DPYD: variants seen among roughly 807,000 people sequenced by gnomAD.
DPYD encodes dihydropyrimidine dehydrogenase [NADP(+)].
A neutral mutation model predicts 116.2 loss-of-function variants in DPYD; 109 were observed. The ratio of observed to expected loss-of-function variants is 0.94; its 90% CI spans 0.80 to 1.10. The LOEUF (loss-of-function observed/expected upper bound fraction) is 1.10. Ranked by LOEUF, DPYD falls within the 50% of genes least tolerant of loss-of-function variation. The pLI, the probability that DPYD is intolerant of heterozygous loss-of-function variation, is 0.00. For missense variants in DPYD, 1,302 were observed against 1,254.5 expected, an observed-to-expected ratio of 1.04 and a Z score of -0.57; for synonymous variants, 440 against 432.0, an observed-to-expected ratio of 1.02 and a Z score of -0.23.
At chr1:97,103,461 G>A (rs948942660) in intron 20 of DPYD, among the ~76,000 whole-genome samples, 4 of 152,042 alleles carry the variant, frequency 2.6e-5, no homozygotes, top group Admixed American at 1.3e-4. Context: ...CATATTACAC[G>A]TTACCATAGT....
Position 97,877,214 on chromosome 1 carries a change from T to G in DPYD, c.150+6050A>C, listed in dbSNP as rs565492906. ...GTAGAGAAGTGAGGGATAGAAAGGGTTCTAATGAATGAAAATGAAAGATGA... is the reference window on the plus strand; with the variant it reads ...GTAGAGAAGTGAGGGATAGAAAGGGGTCTAATGAATGAAAATGAAAGATGA... On this transcript the variant is annotated intron_variant, in intron 2 of 22. Transcript: ENST00000370192. 2.0e-5 allele frequency among the ~76,000 whole-genome samples: 3 copies of G among 151,764 alleles called. No individual in the cohort carries two copies. The East Asian group carries it at 5.9e-4, about 30-fold the overall frequency.
intron 1 of DPYD, among the ~76,000 whole-genome samples, chr1:97,891,576 C>T (rs781564592): frequency 2.6e-5 from 4 of 151,838 alleles, no homozygotes; most frequent in Non-Finnish European, 4.4e-5. Flanking sequence ...CAGTGGAATG[C>T]GGAAACATAC....
At chr1:97,111,697 G>T (rs1248550722) in intron 20 of DPYD, among the ~76,000 whole-genome samples, 8 of 151,848 alleles carry the variant, frequency 5.3e-5, no homozygotes, top group Non-Finnish European at 1.0e-4. Context: ...CCCTCTAAAA[G>T]GTACTAGATT....
At chr1:97,916,557 G>A (rs6689552) in intron 1 of DPYD, among the ~76,000 whole-genome samples, 108,579 of 151,430 alleles carry the variant, frequency 0.72, 39,485 homozygotes, top group East Asian at 0.93. Flanking sequence ...TAACAAAGGA[G>A]GCTACCAAAT....
At chr1:97,702,933 T>C (rs940486807) in intron 5 of DPYD, among the ~76,000 whole-genome samples, 1 of 151,970 alleles carries the variant, frequency 6.6e-6, no homozygotes. Flanking sequence ...TAAAGACTCT[T>C]AAAAAGTGTT....
intron 19 of DPYD, among the ~76,000 whole-genome samples, chr1:97,217,470 T>C (rs1013646405): frequency 6.6e-6 from 1 of 152,156 alleles, no homozygotes; most frequent in African/African-American, 2.4e-5. Flanking sequence ...ATAAGAGACA[T>C]AGTTGTGATT....
In DPYD at chr1:97,699,335, T is replaced by C; in HGVS notation, c.680+16A>G. 1 of 1,609,152 alleles carries C rather than the reference T, an allele frequency of 6.2e-7. No individual in the cohort carries two copies. The highest frequency in any genetic ancestry group is 8.5e-7 in the Non-Finnish European group (1 of 1,175,660). Reference sequence around the variant, plus strand: ...CATTTCTGACACTATAAACATGAAATAAATGTAGGCATTACCTTAAACCAC... The same window carrying C: ...CATTTCTGACACTATAAACATGAAACAAATGTAGGCATTACCTTAAACCAC... On this transcript the variant is annotated intron_variant, in intron 6 of 22. Coordinates refer to ENST00000370192, the MANE Select transcript of DPYD (RefSeq NM_000110.4).
At chr1:97,635,070 T>C (rs190965975) in intron 8 of DPYD, among the ~76,000 whole-genome samples, 4 of 152,082 alleles carry the variant, frequency 2.6e-5, no homozygotes, top group Admixed American at 6.6e-5. Context: ...AGAGGTGCCA[T>C]TGAGAGTGAT....
At chr1:97,086,352 G>GT (rs35514561) in intron 21 of DPYD, among the ~76,000 whole-genome samples, 20,589 of 143,770 alleles carry the variant, frequency 0.14, 1,563 homozygotes, top group Non-Finnish European at 0.17. Flanking sequence ...GCCTGGCCAA[G>GT]TTTTTTTTTT....
intron 15 of DPYD, among the ~76,000 whole-genome samples, chr1:97,378,705 C>T (rs1161466229): frequency 6.6e-6 from 1 of 152,164 alleles, no homozygotes; most frequent in Non-Finnish European, 1.5e-5. Flanking sequence ...TTTTTTACTT[C>T]ATTCAACAAA....
At chr1:97,670,894 T>C (rs946448216) in intron 8 of DPYD, among the ~76,000 whole-genome samples, 5 of 152,174 alleles carry the variant, frequency 3.3e-5, no homozygotes, top group African/African-American at 1.2e-4. Context: ...ACTGTTTTAC[T>C]TCTCTAATTT....
chr1:97,383,772 G>C (rs1672132865), intron 14 of DPYD, among the ~76,000 whole-genome samples: 1 of 152,080 alleles, frequency 6.6e-6, no homozygotes, highest in Admixed American at 6.6e-5. Flanking sequence ...GCACATACTT[G>C]ATACACGTAA....
intron 12 of DPYD, among the ~76,000 whole-genome samples, chr1:97,541,684 T>C (rs992312339): frequency 3.3e-5 from 5 of 152,218 alleles, no homozygotes; most frequent in Non-Finnish European, 7.4e-5. Flanking sequence ...TATGTGTATA[T>C]CCTTTTTACA....
At chr1:97,915,873 AG>A (rs1674185177) in intron 1 of DPYD, among the ~76,000 whole-genome samples, 1 of 152,160 alleles carries the variant, frequency 6.6e-6, no homozygotes, top group Non-Finnish European at 1.5e-5. Context: ...AAATCTCATC[AG>A]ATTTTCTTTG....
intron 13 of DPYD, among the ~76,000 whole-genome samples, chr1:97,496,377 C>T (rs1193267628): frequency 6.6e-6 from 1 of 152,060 alleles, no homozygotes; most frequent in Non-Finnish European, 1.5e-5. Flanking sequence ...TTCATCTGCT[C>T]TCACTCTTGT....
chr1:97,351,725 T>G (rs962022441), intron 16 of DPYD, among the ~76,000 whole-genome samples: 1 of 151,808 alleles, frequency 6.6e-6, no homozygotes, highest in East Asian at 1.9e-4. Flanking sequence ...GCAAACACGA[T>G]AGGGAGAGAA....
Position 97,593,379 on chromosome 1 carries a change from C to T in DPYD, c.967G>A (p.Ala323Thr), listed in dbSNP as rs201018345. ...ATCGATGGCAATGGAGAGTGACAGGCGCACATTCCTGAATGATGAAAGGAA... is the reference window on the plus strand; with the variant it reads ...ATCGATGGCAATGGAGAGTGACAGGTGCACATTCCTGAATGATGAAAGGAA... Reference protein sequence around the residue: ...VAKGSKAGMCACHSPLPSIRG... With the variant: ...VAKGSKAGMCTCHSPLPSIRG... The change falls in exon 10 of 23, where the codon GCC becomes ACC. Residue 323 changes from alanine to threonine, a missense_variant. Coordinates refer to ENST00000370192, the MANE Select transcript of DPYD (RefSeq NM_000110.4). 3.3e-5 allele frequency: 54 copies of T among 1,614,036 alleles called. No homozygotes were observed. Among genetic ancestry groups the T allele is most frequent in the South Asian group, 1.9e-4 (17 of 91,076 alleles).
At chr1:97,082,689 C>T (rs1009258115) in intron 21 of DPYD, among the ~76,000 whole-genome samples, 8 of 151,990 alleles carry the variant, frequency 5.3e-5, no homozygotes, top group East Asian at 1.9e-4. Flanking sequence ...CTTAGAAATA[C>T]GAGACCTAAT....
At chr1:97,827,297 T>A (rs930156070) in intron 3 of DPYD, among the ~76,000 whole-genome samples, 3 of 152,096 alleles carry the variant, frequency 2.0e-5, no homozygotes, top group Non-Finnish European at 2.9e-5. Flanking sequence ...TTTAATTTTA[T>A]AGGCTAAATA....
Sources: gnomAD v4.1 joint callset for allele counts (sites outside exome capture counted in the v4.1 genomes callset) on GRCh38, gnomAD v4.1.1 for gene constraint, MANE v1.5 for transcripts, NCBI Gene and HGNC (gene_info 2026-07-23, HGNC 2026-07-21) for gene names.